The following LPP variants were observed in gnomAD, a reference collection of about 807,000 sequenced individuals.
The protein encoded by LPP is lipoma-preferred partner.
Under a neutral mutation model 60.4 loss-of-function variants are expected in LPP, and 38 were observed. The observed-to-expected ratio is 0.63, with a 90% confidence interval of 0.49 to 0.83. LPP has a LOEUF of 0.83. Ranked by LOEUF, LPP falls within the 40% of genes least tolerant of loss-of-function variation. The pLI, the probability that LPP is intolerant of heterozygous loss-of-function variation, is 0.00. For synonymous variants in LPP, 328 were observed against 290.8 expected, an observed-to-expected ratio of 1.13 and a Z score of -1.30; for missense variants, 902 against 783.6, an observed-to-expected ratio of 1.15 and a Z score of -1.80.
chr3:188,308,905 C>CCTT (rs935142756), intron 2 of LPP, among the ~76,000 whole-genome samples: 3 of 151,800 alleles, frequency 2.0e-5, no homozygotes, highest in African/African-American at 7.3e-5. Flanking sequence ...TACTCCTTCT[C>CCTT]CTTCTTCTTC....
chr3:188,194,471 C>A (rs145628445), intron 1 of LPP, among the ~76,000 whole-genome samples: 1 of 152,176 alleles, frequency 6.6e-6, no homozygotes, highest in Non-Finnish European at 1.5e-5. Flanking sequence ...AGGCTCACTC[C>A]GTCCTGCCCA....
At chr3:188,372,486 G>C (rs374620471) in intron 3 of LPP, among the ~76,000 whole-genome samples, 1 of 151,992 alleles carries the variant, frequency 6.6e-6, no homozygotes, top group East Asian at 1.9e-4. Flanking sequence ...CTGAATCTGG[G>C]AGTGTCTTGT....
intron 6 of LPP, among the ~76,000 whole-genome samples, chr3:188,581,416 C>G (rs2150983848): frequency 6.6e-6 from 1 of 152,300 alleles, no homozygotes; most frequent in South Asian, 2.1e-4. Context: ...GTTTTAAATA[C>G]AGAGTTGATT....
chr3:188,496,904 T>C (rs1156537079), intron 5 of LPP, among the ~76,000 whole-genome samples: 2 of 152,196 alleles, frequency 1.3e-5, no homozygotes, highest in Non-Finnish European at 1.5e-5. Flanking sequence ...TAGTTAGTTT[T>C]ATTTGTATTT....
intron 3 of LPP, among the ~76,000 whole-genome samples, chr3:188,373,393 A>G (rs910184782): frequency 3.9e-5 from 6 of 151,900 alleles, no homozygotes; most frequent in South Asian, 2.1e-4. Context: ...TTTAATGATC[A>G]CCATTCTAAC....
rs772537316 is a variant in LPP at position 188,708,291 on chromosome 3, C to G, written c.1138C>G (p.Pro380Ala). 2 of 1,614,120 alleles carry G rather than the reference C, an allele frequency of 1.2e-6. No homozygotes were observed. Among genetic ancestry groups the G allele is most frequent in the Non-Finnish European group, 1.7e-6 (2 of 1,180,002 alleles). ...GGGTGGCCATTCAGGGCAACTGGGG[C>G]CTTCGTCAGTTGCCCCTTCATTCCG... is the stretch of plus-strand genomic sequence containing the variant. Reference protein sequence around the residue: ...PKGGHSGQLGPSSVAPSFRPE... With the variant: ...PKGGHSGQLGASSVAPSFRPE... Residue 380 changes from proline to alanine, a missense_variant, in exon 8 of 12, where the codon CCT (proline) becomes GCT (alanine). Physicochemically the swap from Pro to Ala is conservative, Grantham distance 27. Transcript: ENST00000617246.
intron 2 of LPP, among the ~76,000 whole-genome samples, chr3:188,282,723 C>G (rs1742537606): frequency 6.6e-6 from 1 of 152,200 alleles, no homozygotes; most frequent in African/African-American, 2.4e-5. Flanking sequence ...CTCTGCCAGG[C>G]AGCATCCTTC....
intron 7 of LPP, among the ~76,000 whole-genome samples, chr3:188,625,850 G>T (rs1199517070): frequency 6.6e-6 from 1 of 152,172 alleles, no homozygotes; most frequent in Admixed American, 6.5e-5. Context: ...TAAATGTTGT[G>T]ATTAAATGAT....
intron 1 of LPP, among the ~76,000 whole-genome samples, chr3:188,155,538 C>T (rs1716025676): frequency 6.6e-6 from 1 of 152,212 alleles, no homozygotes; most frequent in Admixed American, 6.5e-5. Context: ...CATCCTCCCC[C>T]TTCCTCAACT....
chr3:188,619,132 C>T lies in LPP; in HGVS notation c.1113+9288C>T, dbSNP rs530832861. 5.3e-5 allele frequency among the ~76,000 whole-genome samples: 8 copies of T among 152,286 alleles called. No individual in the cohort carries two copies. The South Asian group carries it at 1.7e-3, about 32-fold the overall frequency. ...CTCTGCCTCCCGGGTTCAAGTGATT[C>T]TCCTGCCTCAGCCTCCCAAGTAGCT... On this transcript the variant is annotated intron_variant, in intron 7 of 11. Transcript: ENST00000617246.
chr3:188,185,855 ATG>A (rs142757973), intron 1 of LPP, among the ~76,000 whole-genome samples: 5,456 of 152,246 alleles, frequency 0.036, 143 homozygotes, highest in Non-Finnish European at 0.055. Context: ...GTTCTGATTC[ATG>A]TCTCCCCTCT....
At chr3:188,407,791 T>TTG (rs1783983266) in intron 4 of LPP, among the ~76,000 whole-genome samples, 2 of 34,136 alleles carry the variant, frequency 5.9e-5, no homozygotes, top group African/African-American at 9.8e-5. Flanking sequence ...TTTGTTTGTT[T>TTG]TTTTTTTTTT....
chr3:188,378,738 A>T (rs1776005188), intron 3 of LPP, among the ~76,000 whole-genome samples: 2 of 151,596 alleles, frequency 1.3e-5, no homozygotes, highest in South Asian at 4.2e-4. Flanking sequence ...ACTCTCTGGC[A>T]CTCCCCAGTG....
intron 7 of LPP, among the ~76,000 whole-genome samples, chr3:188,681,904 C>T (rs1333810764): frequency 1.3e-5 from 2 of 152,170 alleles, no homozygotes; most frequent in Non-Finnish European, 2.9e-5. Context: ...ACTGACAAAT[C>T]CAAATTCTAT....
intron 6 of LPP, among the ~76,000 whole-genome samples, chr3:188,581,328 GCA>G (rs1156451946): frequency 6.6e-6 from 1 of 152,112 alleles, no homozygotes; most frequent in Non-Finnish European, 1.5e-5. Context: ...TTTACCTCGG[GCA>G]CACTTGGACC....
intron 3 of LPP, among the ~76,000 whole-genome samples, chr3:188,385,384 C>T (rs1229305906): frequency 2.6e-5 from 4 of 152,054 alleles, no homozygotes; most frequent in Admixed American, 1.3e-4. Context: ...GTTCCTTCCT[C>T]GTGACAGAGC....
chr3:188,415,734 A>G (rs2148973628), intron 4 of LPP, among the ~76,000 whole-genome samples: 1 of 147,178 alleles, frequency 6.8e-6, no homozygotes, highest in East Asian at 2.1e-4. Flanking sequence ...CTAGAGATAA[A>G]GGACATATTC....
intron 4 of LPP, among the ~76,000 whole-genome samples, chr3:188,457,368 C>G: frequency 6.6e-6 from 1 of 152,150 alleles, no homozygotes; most frequent in East Asian, 1.9e-4. Context: ...AGACAACAAC[C>G]TTATTGAGAT....
At chr3:188,500,555 G>A (rs909241370) in intron 5 of LPP, among the ~76,000 whole-genome samples, 10 of 152,026 alleles carry the variant, frequency 6.6e-5, no homozygotes, top group Admixed American at 2.0e-4. Flanking sequence ...TATCTTTGTC[G>A]GACTTTGATG....
Sources: allele counts gnomAD v4.1 joint callset (sites outside exome capture counted in the v4.1 genomes callset), GRCh38; gene constraint gnomAD v4.1.1; transcripts MANE v1.5; gene names NCBI Gene and HGNC (gene_info 2026-07-23, HGNC 2026-07-21).